The following ADCY8 variants were observed in gnomAD, a reference collection of about 807,000 sequenced individuals.
ADCY8 encodes adenylate cyclase type 8.
ADCY8 carries 51 observed loss-of-function variants against 119.7 expected under a neutral mutation model. That is an observed-to-expected ratio of 0.43 (90% CI 0.34 to 0.54). ADCY8 has a LOEUF of 0.54. Ranked by LOEUF, ADCY8 falls within the 20% of genes least tolerant of loss-of-function variation. The pLI, the probability that ADCY8 is intolerant of heterozygous loss-of-function variation, is 0.03. For missense variants in ADCY8, 1,383 were observed against 1,598.8 expected (o/e 0.87, Z 2.30); for synonymous variants, 665 against 651.0 (o/e 1.02, Z -0.33).
At chr8:130,830,732 T>A (rs1216726897) in intron 12 of ADCY8, among the ~76,000 whole-genome samples, 1 of 152,140 alleles carries the variant, frequency 6.6e-6, no homozygotes, top group Non-Finnish European at 1.5e-5. Context: ...GGAGACTCCC[T>A]CCCAGCACAT....
chr8:131,024,333 G>GTT (rs1381142401), intron 1 of ADCY8, among the ~76,000 whole-genome samples: 1 of 152,134 alleles, frequency 6.6e-6, no homozygotes, highest in East Asian at 1.9e-4. Context: ...GGTTCAAAAT[G>GTT]TTTTCTTATT....
At position 130,964,326 on chromosome 8, in the gene ADCY8, A is replaced by G. The variant is rs1469182484; in HGVS notation, c.1111-12328T>C. On this transcript the variant is annotated intron_variant, in intron 2 of 17. Transcript: ENST00000286355. ...AGGTTCCCAGATGGTAAACAGATTT[A>G]TAAATACCTACAGCTTCTATTCTAT... 2.0e-5 allele frequency among the ~76,000 whole-genome samples: 3 copies of G among 152,390 alleles called. No homozygotes were observed. In the East Asian group the frequency reaches 5.8e-4, roughly 29 times the overall value.
intron 12 of ADCY8, among the ~76,000 whole-genome samples, chr8:130,829,044 G>A (rs1351242118): frequency 2.0e-5 from 3 of 152,204 alleles, no homozygotes; most frequent in African/African-American, 7.2e-5. Flanking sequence ...TCAAAGGGAA[G>A]TCACAGGCAG....
In ADCY8 at chr8:131,040,359, C is replaced by A. The variant is rs1824350538; in HGVS notation, c.-26G>T. 6.8e-7 allele frequency: 1 copy of A among 1,465,454 alleles called. No homozygotes were observed. Among genetic ancestry groups the A allele is most frequent in the Non-Finnish European group, 9.0e-7 (1 of 1,115,520 alleles). The allele number at this position is 1,465,454 out of a possible 1,614,324, so 90.8% of individuals were successfully genotyped here. On this transcript the variant is annotated 5_prime_UTR_variant, in exon 1 of 18. Coordinates refer to ENST00000286355, the MANE Select transcript of ADCY8 (RefSeq NM_001115.3). ...GGCTCTGGGCCGCAGGGAAGGAGGC[C>A]CAGAACCTTGGGGAGGCAGCCGGAG...
intron 14 of ADCY8, among the ~76,000 whole-genome samples, chr8:130,801,264 A>G (rs779816558): frequency 6.6e-6 from 1 of 150,530 alleles, no homozygotes; most frequent in Admixed American, 6.6e-5. Context: ...CCTCTACTCT[A>G]TTTCTCTCAG....
rs748126450 is a variant in ADCY8 at position 130,904,033 on chromosome 8, G to A, written c.1650C>T (p.His550=). 17 of 1,612,500 alleles carry A rather than the reference G, an allele frequency of 1.1e-5. 1 individual carries two copies. The South Asian group carries it at 1.8e-4, about 17-fold the overall frequency. The stretch of plus-strand genomic sequence containing the variant: ...GACAGTCCAGCGTGGCTTTGGAAAT[G>A]TGAATCCTCCTGTGTGTAGAAGGCA... The part of the protein sequence containing the change: ...LESGGIPGRI[H]ISKATLDCLN... The change falls in exon 7 of 18, where the codon CAC becomes CAT. Residue 550 remains histidine (H), a synonymous_variant. Transcript: ENST00000286355.
chr8:130,922,311 C>G (rs987311128), intron 5 of ADCY8, among the ~76,000 whole-genome samples: 1 of 146,242 alleles, frequency 6.8e-6, no homozygotes. Flanking sequence ...AGCAGATAAA[C>G]AAGTGAACAA....
At chr8:130,926,760 C>G (rs1459812566) in intron 5 of ADCY8, among the ~76,000 whole-genome samples, 1 of 152,100 alleles carries the variant, frequency 6.6e-6, no homozygotes. Flanking sequence ...CACCCCTAGA[C>G]CCTGATAATC....
intron 11 of ADCY8, among the ~76,000 whole-genome samples, chr8:130,846,833 C>A (rs1233790594): frequency 1.5e-5 from 1 of 68,650 alleles, no homozygotes; most frequent in Non-Finnish European, 2.7e-5. Flanking sequence ...TTCCTTCCCT[C>A]CCCTCCCCTT....
chr8:130,784,232 G>A (rs181923633), intron 16 of ADCY8, among the ~76,000 whole-genome samples: 3 of 135,026 alleles, frequency 2.2e-5, no homozygotes, highest in Non-Finnish European at 3.1e-5. Flanking sequence ...GTATGTGTGT[G>A]TATATGTGCT....
intron 8 of ADCY8, among the ~76,000 whole-genome samples, chr8:130,868,209 A>G (rs1818196198): frequency 2.6e-5 from 4 of 152,188 alleles, no homozygotes; most frequent in Non-Finnish European, 5.9e-5. Flanking sequence ...TTATTTTAAC[A>G]GAACAGAAGA....
chr8:130,809,759 T>C (rs1816103237), intron 14 of ADCY8, among the ~76,000 whole-genome samples: 1 of 152,224 alleles, frequency 6.6e-6, no homozygotes, highest in Admixed American at 6.5e-5. Context: ...CACATGGCCT[T>C]ATTTGGAACA....
intron 13 of ADCY8, among the ~76,000 whole-genome samples, chr8:130,818,018 A>G (rs1816397521): frequency 2.0e-5 from 3 of 152,352 alleles, no homozygotes; most frequent in Admixed American, 1.3e-4. Flanking sequence ...AATGTTTTGC[A>G]GAAATCATTA....
At chr8:131,011,188 G>T (rs971311489) in intron 1 of ADCY8, among the ~76,000 whole-genome samples, 1 of 143,972 alleles carries the variant, frequency 6.9e-6, no homozygotes, top group Non-Finnish European at 1.5e-5. Context: ...AAAAAAAAAA[G>T]AATTAATGAC....
At chr8:130,852,588 G>A (rs1291472293) in intron 9 of ADCY8, among the ~76,000 whole-genome samples, 1 of 152,202 alleles carries the variant, frequency 6.6e-6, no homozygotes, top group Non-Finnish European at 1.5e-5. Flanking sequence ...TTTTCAAAGT[G>A]TGAGACAGAA....
chr8:131,003,030 A>C (rs1204311273), intron 1 of ADCY8, among the ~76,000 whole-genome samples: 1 of 152,072 alleles, frequency 6.6e-6, no homozygotes, highest in South Asian at 2.1e-4. Context: ...GCAAAACCCC[A>C]TCTCTACTAA....
chr8:130,963,424 A>C (rs974321245), intron 2 of ADCY8, among the ~76,000 whole-genome samples: 4 of 152,200 alleles, frequency 2.6e-5, no homozygotes, highest in Non-Finnish European at 5.9e-5. Context: ...GGTGTTTCAG[A>C]CACAGGGGAA....
intron 5 of ADCY8, among the ~76,000 whole-genome samples, chr8:130,931,127 G>A (rs1820618656): frequency 6.6e-6 from 1 of 152,102 alleles, no homozygotes; most frequent in South Asian, 2.1e-4. Flanking sequence ...CAAGTCTGGT[G>A]GTGATGAATT....
intron 9 of ADCY8, 137 bp from the exon 10 acceptor site, chr8:130,849,940 T>G: frequency 1.1e-6 from 1 of 871,586 alleles, no homozygotes; most frequent in Non-Finnish European, 1.8e-6. Flanking sequence ...AAAAAGGTTA[T>G]TAGCAGGAGA....
Sources: gnomAD v4.1 joint callset for allele counts (sites outside exome capture counted in the v4.1 genomes callset) on GRCh38, gnomAD v4.1.1 for gene constraint, MANE v1.5 for transcripts, NCBI Gene and HGNC (gene_info 2026-07-23, HGNC 2026-07-21) for gene names.